ADGRL2: variants seen among roughly 807,000 people sequenced by gnomAD.
ADGRL2 encodes adhesion G protein-coupled receptor L2.
A neutral mutation model predicts 157.4 loss-of-function variants in ADGRL2; 44 were observed. The ratio of observed to expected loss-of-function variants is 0.28; its 90% confidence interval spans 0.22 to 0.36. ADGRL2 has a LOEUF of 0.36. Among genes scored for constraint, ADGRL2 ranks in the 10% least tolerant of loss-of-function variants. ADGRL2 has a pLI of 1.00. For missense variants in ADGRL2, 1,510 were observed against 1,768.9 expected (o/e 0.85, Z 2.63); for synonymous variants, 585 against 624.7 (o/e 0.94, Z 0.95).
At chr1:81,848,274 CCT>C (rs757666684) in intron 2 of ADGRL2, among the ~76,000 whole-genome samples, 1 of 151,720 alleles carries the variant, frequency 6.6e-6, no homozygotes, top group African/African-American at 2.4e-5. Context: ...AATAGAGACT[CCT>C]ATATAGGTAC....
chr1:81,782,046 T>G (rs1300534249), intron 2 of ADGRL2, among the ~76,000 whole-genome samples: 1 of 152,184 alleles, frequency 6.6e-6, no homozygotes, highest in African/African-American at 2.4e-5. Context: ...TTTGCAGGTT[T>G]GTTTTGAAGA....
chr1:81,491,522 G>A (rs2078633600), intron 2 of ADGRL2, among the ~76,000 whole-genome samples: 2 of 152,134 alleles, frequency 1.3e-5, no homozygotes, highest in Admixed American at 1.3e-4. Context: ...TGAAGCAAAT[G>A]TTAGAAAGAG....
intron 3 of ADGRL2, among the ~76,000 whole-genome samples, chr1:81,674,235 G>C (rs1440963893): frequency 2.0e-5 from 3 of 152,156 alleles, no homozygotes; most frequent in Admixed American, 2.0e-4. Context: ...CTAGGACTTA[G>C]TAGTTGAATG....
At chr1:81,752,300 A>T (rs150445581) in intron 1 of ADGRL2, among the ~76,000 whole-genome samples, 1 of 152,308 alleles carries the variant, frequency 6.6e-6, no homozygotes, top group African/African-American at 2.4e-5. Flanking sequence ...ACTTTGAAAA[A>T]TACATTTCTC....
At chr1:81,824,948 CCT>C (rs3046312) in intron 1 of ADGRL2, among the ~76,000 whole-genome samples, 10,820 of 127,862 alleles carry the variant, frequency 0.085, 434 homozygotes, top group South Asian at 0.13. Flanking sequence ...TTTTAATTCT[CCT>C]CTCTCTCTCT....
At chr1:81,730,855 T>C (rs1256969016) in intron 1 of ADGRL2, among the ~76,000 whole-genome samples, 3 of 152,242 alleles carry the variant, frequency 2.0e-5, no homozygotes, top group Non-Finnish European at 4.4e-5. Context: ...TGTTGTTTCA[T>C]TCTTTACTTA....
rs546808657 is a variant in ADGRL2 at position 81,617,724 on chromosome 1, G to T, written c.-143+36744G>T. 4.6e-5 allele frequency among the ~76,000 whole-genome samples: 7 copies of T among 152,318 alleles called. No homozygotes were observed. The East Asian group carries it at 5.8e-4, about 13-fold the overall frequency. On this transcript the variant is annotated intron_variant, in intron 3 of 24. Coordinates refer to the ADGRL2 transcript ENST00000370721. ...GAAGACAGCGGAGCTTGGATGCTAT[G>T]TCAGTGTTTCTTTAAATGGCGTTTT...
At chr1:81,767,894 T>G (rs1306995186) in intron 2 of ADGRL2, among the ~76,000 whole-genome samples, 1 of 148,222 alleles carries the variant, frequency 6.7e-6, no homozygotes, top group Non-Finnish European at 1.5e-5. Context: ...AATTGCTGGG[T>G]CATGGAGTAT....
At chr1:81,628,057 G>T (rs1219362245) in intron 3 of ADGRL2, among the ~76,000 whole-genome samples, 1 of 152,058 alleles carries the variant, frequency 6.6e-6, no homozygotes, top group Non-Finnish European at 1.5e-5. Context: ...GTCACCTTCA[G>T]GTCCTGCATC....
chr1:81,535,136 A>G (rs1008674853), intron 2 of ADGRL2, among the ~76,000 whole-genome samples: 4 of 152,194 alleles, frequency 2.6e-5, no homozygotes, highest in Non-Finnish European at 5.9e-5. Context: ...AGTGTGTACA[A>G]CGTAGAAAGA....
intron 6 of ADGRL2, among the ~76,000 whole-genome samples, chr1:81,949,572 C>T (rs952470744): frequency 2.0e-5 from 3 of 152,262 alleles, no homozygotes; most frequent in East Asian, 1.9e-4. Context: ...TTCAAGGTAA[C>T]GATGCCGAAG....
At chr1:81,348,191 A>G (rs1390105593) in intron 1 of ADGRL2, among the ~76,000 whole-genome samples, 1 of 152,036 alleles carries the variant, frequency 6.6e-6, no homozygotes, top group African/African-American at 2.4e-5. Flanking sequence ...GAAGAGGATT[A>G]CCCCCAAGCC....
At chr1:81,391,367 G>A (rs2076553110) in intron 1 of ADGRL2, among the ~76,000 whole-genome samples, 2 of 152,308 alleles carry the variant, frequency 1.3e-5, no homozygotes, top group African/African-American at 2.4e-5. Flanking sequence ...CTATTGTAAT[G>A]TAAACACTGA....
chr1:81,392,209 C>T (rs1245321982), intron 1 of ADGRL2, among the ~76,000 whole-genome samples: 1 of 119,926 alleles, frequency 8.3e-6, no homozygotes, highest in African/African-American at 2.8e-5. Flanking sequence ...TCTCACACTT[C>T]CTCCTACCCC....
chr1:81,940,564 C>T (rs1647524623), intron 4 of ADGRL2, among the ~76,000 whole-genome samples: 1 of 151,552 alleles, frequency 6.6e-6, no homozygotes, highest in Admixed American at 6.6e-5. Flanking sequence ...AGTTGTATGC[C>T]ATTCCTATGG....
intron 2 of ADGRL2, among the ~76,000 whole-genome samples, chr1:81,493,052 T>C (rs1481476698): frequency 1.3e-5 from 2 of 151,734 alleles, no homozygotes; most frequent in Admixed American, 1.3e-4. Context: ...AGAAAACTCC[T>C]TTTTAAAAAA....
chr1:81,953,458 T>A (rs1652495327), intron 10 of ADGRL2, among the ~76,000 whole-genome samples: 1 of 152,160 alleles, frequency 6.6e-6, no homozygotes, highest in African/African-American at 2.4e-5. Flanking sequence ...TTAAATAAAA[T>A]AGGCTTTATT....
chr1:81,943,660 G>A lies in ADGRL2; in HGVS notation c.1101G>A (p.Gln367=). 3 of 1,613,546 alleles carry A rather than the reference G, an allele frequency of 1.9e-6. No individual in the cohort carries two copies. Among genetic ancestry groups the A allele is most frequent in the Non-Finnish European group, 1.7e-6 (2 of 1,179,602 alleles). The part of the protein sequence containing the change: ...YVDVPFPNQY[Q]YIAAVDYNPR... ...ATGTTCCCTTCCCCAACCAGTATCA[G>A]TATATTGCTGCAGTGGATTACAATC... The change falls in exon 6 of 24, where the codon CAG becomes CAA. Residue 367 remains glutamine (Q), a synonymous_variant. Transcript: ENST00000686636. This position sits in a 1 kb window ranked among gnomAD's most constrained non-coding sequence, Gnocchi z 5.6.
At chr1:81,465,076 G>T (rs1271882619) in intron 2 of ADGRL2, among the ~76,000 whole-genome samples, 4 of 152,070 alleles carry the variant, frequency 2.6e-5, no homozygotes, top group Admixed American at 2.6e-4. Context: ...GTTGTCGGTG[G>T]TCACATATTT....
Sources: allele counts gnomAD v4.1 joint callset (sites outside exome capture counted in the v4.1 genomes callset), GRCh38; gene constraint gnomAD v4.1.1; non-coding constraint Gnocchi (gnomAD v3.1); transcripts MANE v1.5; gene names NCBI Gene and HGNC (gene_info 2026-07-23, HGNC 2026-07-21).